Variants in BCKDHA observed in about 807,000 individuals in gnomAD.
BCKDHA encodes 2-oxoisovalerate dehydrogenase subunit alpha, mitochondrial.
In BCKDHA, 43 loss-of-function variants were observed where a neutral mutation model predicts 52.2. That is an observed-to-expected ratio of 0.82 (90% CI 0.64 to 1.06). BCKDHA has a LOEUF of 1.06. BCKDHA is among the 50% of genes least tolerant of loss of function. The probability of loss-of-function intolerance (pLI) is 0.00; values close to 1 mark genes in which losing one functional copy is unlikely to be tolerated. For missense variants in BCKDHA, 527 were observed against 621.3 expected (o/e 0.85, Z 1.61); for synonymous variants, 234 against 247.9 (o/e 0.94, Z 0.53).
chr19:41,413,903 GA>G, intron 3 of BCKDHA, 145 bp from the exon 4 acceptor site: 1 of 730,798 alleles, frequency 1.4e-6, no homozygotes, highest in South Asian at 1.5e-5. Context: ...TTAAAGGCAG[GA>G]ACCCCAGCAT....
intron 1 of BCKDHA, among the ~76,000 whole-genome samples, chr19:41,398,743 G>T (rs190794051): frequency 1.2e-3 from 183 of 152,306 alleles, no homozygotes; most frequent in African/African-American, 3.8e-3. Flanking sequence ...GGTTGCAGAA[G>T]AGCTTTGAAC....
chr19:41,404,064 C>G (rs540925903), intron 1 of BCKDHA, among the ~76,000 whole-genome samples: 4 of 152,260 alleles, frequency 2.6e-5, no homozygotes, highest in Non-Finnish European at 1.5e-5. Flanking sequence ...ACTGCAACCT[C>G]TGCCTCCTCG....
At chr19:41,399,487 C>G (rs981894408) in intron 1 of BCKDHA, 1 of 152,002 alleles carries the variant, frequency 6.6e-6, no homozygotes, top group Non-Finnish European at 1.5e-5. Context: ...TCTCTCCTGT[C>G]TCAATCTCTT....
At chr19:41,400,588 T>G (rs1049147844) in intron 1 of BCKDHA, among the ~76,000 whole-genome samples, 1 of 151,996 alleles carries the variant, frequency 6.6e-6, no homozygotes, top group African/African-American at 2.4e-5. Context: ...TTTGCCATGT[T>G]TTCCAGGCTG....
chr19:41,413,956 T>C, intron 3 of BCKDHA, 93 bp from the exon 4 acceptor site: 2 of 1,067,240 alleles, frequency 1.9e-6, no homozygotes, highest in Non-Finnish European at 2.9e-6. Flanking sequence ...TGTGAATTCA[T>C]GGAGGTGTTG....
intron 6 of BCKDHA, 50 bp from the exon 7 acceptor site, chr19:41,422,579 T>C: frequency 6.2e-7 from 1 of 1,611,932 alleles, no homozygotes; most frequent in Non-Finnish European, 8.5e-7. Context: ...GCCTCGTGCA[T>C]GTTCCTTATC....
chr19:41,405,319 T>A (rs1011897172), intron 1 of BCKDHA, among the ~76,000 whole-genome samples: 1 of 151,468 alleles, frequency 6.6e-6, no homozygotes, highest in Non-Finnish European at 1.5e-5. Flanking sequence ...TTGAGACAGG[T>A]CTTACTTTGT....
chr19:41,397,862 G>T lies in BCKDHA; in HGVS notation c.35G>T (p.Arg12Leu). ...AVAIAAARVWRLNRGLSQAAL... is the reference protein window; with the variant it reads ...AVAIAAARVWLLNRGLSQAAL... ...GCGATCGCTGCAGCGAGGGTCTGGCGGCTAAACCGTGGTTTGAGCCAGGCT... is the reference window on the plus strand; with the variant it reads ...GCGATCGCTGCAGCGAGGGTCTGGCTGCTAAACCGTGGTTTGAGCCAGGCT... The change falls in exon 1 of 9, where the codon CGG (arginine) becomes CTG (leucine). Residue 12 changes from arginine (R) to leucine (L), a missense_variant. Physicochemically the swap from Arg to Leu is moderately radical, Grantham distance 102 (BLOSUM62 -2). Transcript: ENST00000269980. 4 of 1,614,202 alleles carry T rather than the reference G, an allele frequency of 2.5e-6. No homozygotes were observed. Among genetic ancestry groups the T allele is most frequent in the Non-Finnish European group, 2.5e-6 (3 of 1,180,050 alleles).
intron 8 of BCKDHA, 77 bp downstream of exon 8, chr19:41,423,246 C>G: frequency 1.3e-6 from 2 of 1,538,948 alleles, no homozygotes; most frequent in Non-Finnish European, 1.8e-6. Flanking sequence ...TGTGGAACAC[C>G]GAACTGGGAG....
chr19:41,424,250 T>TG (rs1446625894), intron 8 of BCKDHA, among the ~76,000 whole-genome samples, 188 bp from the exon 9 acceptor site: 1 of 152,192 alleles, frequency 6.6e-6, no homozygotes, highest in African/African-American at 2.4e-5. Flanking sequence ...TCCACACACT[T>TG]GGATAGCACC....
intron 1 of BCKDHA, among the ~76,000 whole-genome samples, chr19:41,398,947 G>C (rs1035059653): frequency 7.2e-5 from 11 of 152,170 alleles, no homozygotes; most frequent in African/African-American, 2.7e-4. Flanking sequence ...CTAAGGACTG[G>C]ACCTGGCACA....
intron 1 of BCKDHA, among the ~76,000 whole-genome samples, chr19:41,405,188 G>A (rs2039179763): frequency 6.6e-6 from 1 of 152,160 alleles, no homozygotes; most frequent in Non-Finnish European, 1.5e-5. Context: ...ATCCACACAG[G>A]TCAACTCGGT....
intron 5 of BCKDHA, among the ~76,000 whole-genome samples, chr19:41,421,459 G>GA (rs991330783): frequency 1.3e-5 from 2 of 151,968 alleles, no homozygotes; most frequent in Non-Finnish European, 2.9e-5. Context: ...AGGATGTGAG[G>GA]GGGGAGCTGT....
chr19:41,405,340 G>A (rs761074753), intron 1 of BCKDHA, among the ~76,000 whole-genome samples: 4 of 151,622 alleles, frequency 2.6e-5, no homozygotes, highest in Non-Finnish European at 4.4e-5. Flanking sequence ...CACCCAGGCT[G>A]GAGTGCAGTG....
chr19:41,409,562 G>T (rs1174428575), intron 1 of BCKDHA, among the ~76,000 whole-genome samples: 2 of 152,030 alleles, frequency 1.3e-5, no homozygotes, highest in African/African-American at 4.8e-5. Flanking sequence ...GTAGCAGTTT[G>T]CCAGGCGATA....
At position 41,423,295 on chromosome 19, in the gene BCKDHA, G is replaced by A. The variant is rs2039390774; in HGVS notation, c.1167+126G>A. ...CCCAGTGATGTCTCAGATGTGGCCT[G>A]TGGAGCCAGGCTGCTGGGGCCATGT... On this transcript the variant is annotated intron_variant, in intron 8 of 8. Coordinates refer to ENST00000269980, the MANE Select transcript of BCKDHA (RefSeq NM_000709.4). The A allele has an allele frequency of 6.3e-6, 9 of 1,431,796 alleles. No homozygotes were observed. In the East Asian group the frequency reaches 2.2e-4, roughly 36 times the overall value. 88.7% of individuals were successfully genotyped at this position (1,431,796 alleles called of 1,614,324 possible).
chr19:41,412,966 A>T (rs368066205), intron 3 of BCKDHA, among the ~76,000 whole-genome samples: 63 of 152,308 alleles, frequency 4.1e-4, no homozygotes, highest in Non-Finnish European at 8.4e-4. Flanking sequence ...GGCCTCCCAA[A>T]GTACCGGGAT....
Position 41,419,263 on chromosome 19 carries a change from A to G in BCKDHA, c.613A>G (p.Ile205Val), listed in dbSNP as rs1297189494. The G allele has an allele frequency of 2.5e-6, 4 of 1,613,352 alleles. No individual in the cohort carries two copies. The highest frequency in any genetic ancestry group is 8.5e-7 in the Non-Finnish European group (1 of 1,179,636). ...CTGCAAGGAACGCCACTTCGTCACT[A>G]TCTCCTCTCCACTGGCCACGCAGAT... ...YGCKERHFVT[I>V]SSPLATQIPQ... The change falls in exon 5 of 9, where the codon ATC becomes GTC. Residue 205 changes from isoleucine (I) to valine (V), a missense_variant. Coordinates refer to ENST00000269980, the MANE Select transcript of BCKDHA (RefSeq NM_000709.4).
At chr19:41,410,469 G>A (rs1434744266) in intron 1 of BCKDHA, among the ~76,000 whole-genome samples, 168 bp from the exon 2 acceptor site, 2 of 152,148 alleles carry the variant, frequency 1.3e-5, no homozygotes, top group Non-Finnish European at 2.9e-5. Context: ...CCAAAGTGTC[G>A]CAGTGAGAAA....
Sources: gnomAD v4.1 joint callset for allele counts (sites outside exome capture counted in the v4.1 genomes callset) on GRCh38, gnomAD v4.1.1 for gene constraint, MANE v1.5 for transcripts, NCBI Gene and HGNC (gene_info 2026-07-23, HGNC 2026-07-21) for gene names.